The following HPSE2 variants were observed in gnomAD, a reference collection of about 807,000 sequenced individuals.
HPSE2 encodes the protein inactive heparanase-2.
HPSE2 carries 38 observed loss-of-function variants against 60.5 expected under a neutral mutation model. The ratio of observed to expected loss-of-function variants is 0.63; its 90% CI spans 0.48 to 0.82. The LOEUF is 0.82. Among genes scored for constraint, HPSE2 ranks in the 40% least tolerant of loss-of-function variants. The pLI, the probability that HPSE2 is intolerant of heterozygous loss-of-function variation, is 0.00. For synonymous variants in HPSE2, 295 were observed against 293.2 expected (o/e 1.01, Z -0.06); for missense variants, 713 against 740.4 (o/e 0.96, Z 0.43).
At chr10:98,938,490 T>C (rs1463343783) in intron 3 of HPSE2, among the ~76,000 whole-genome samples, 1 of 143,242 alleles carries the variant, frequency 7.0e-6, no homozygotes, top group Non-Finnish European at 1.5e-5. Context: ...AGGTTATCAG[T>C]GATGGAAGAT....
chr10:98,640,934 G>C (rs1331463814), intron 7 of HPSE2, among the ~76,000 whole-genome samples: 5 of 152,198 alleles, frequency 3.3e-5, no homozygotes, highest in African/African-American at 1.2e-4. Context: ...AACAACAGGA[G>C]TGAAATTAGA....
chr10:99,286,207 C>T, the HPSE2 span, among the ~76,000 whole-genome samples: 2 of 152,078 alleles, frequency 1.3e-5, no homozygotes, highest in Non-Finnish European at 2.9e-5. Flanking sequence ...CAATATGACC[C>T]AACAATTCCA....
intron 2 of HPSE2, among the ~76,000 whole-genome samples, chr10:99,217,196 A>G (rs536622039): frequency 6.7e-6 from 1 of 150,338 alleles, no homozygotes; most frequent in African/African-American, 2.4e-5. Flanking sequence ...TAACATTAGT[A>G]TCTAGTAGCA....
At chr10:99,115,802 C>A (rs1844665814) in intron 3 of HPSE2, among the ~76,000 whole-genome samples, 1 of 152,078 alleles carries the variant, frequency 6.6e-6, no homozygotes, top group Non-Finnish European at 1.5e-5. Context: ...GACTTCTAAG[C>A]AACAGAGAGC....
chr10:99,268,649 A>C, the HPSE2 span, among the ~76,000 whole-genome samples: 1 of 151,588 alleles, frequency 6.6e-6, no homozygotes, highest in African/African-American at 2.4e-5. Context: ...CTGTCTCAAA[A>C]AAAAAAAAAA....
chr10:98,814,054 C>G (rs1381516961), intron 3 of HPSE2, among the ~76,000 whole-genome samples: 1 of 152,078 alleles, frequency 6.6e-6, no homozygotes, highest in Non-Finnish European at 1.5e-5. Context: ...ATAGGTTACC[C>G]TGCAAGTAAG....
intron 3 of HPSE2, among the ~76,000 whole-genome samples, chr10:98,986,256 A>C (rs2135320017): frequency 6.6e-6 from 1 of 152,250 alleles, no homozygotes; most frequent in South Asian, 2.1e-4. Flanking sequence ...AGCACTCCTC[A>C]GCAAATGTAA....
the HPSE2 span, among the ~76,000 whole-genome samples, chr10:99,264,378 C>T: frequency 6.6e-6 from 1 of 152,174 alleles, no homozygotes; most frequent in South Asian, 2.1e-4. Context: ...TGAGGCACTG[C>T]ACCCAGCCTC....
chr10:99,132,171 A>G (rs1433440131), intron 3 of HPSE2, among the ~76,000 whole-genome samples: 1 of 62,956 alleles, frequency 1.6e-5, no homozygotes, highest in Non-Finnish European at 2.8e-5. Flanking sequence ...GAAAGAAAGA[A>G]AGAAAGAAAG....
At chr10:98,985,770 A>G (rs935104996) in intron 3 of HPSE2, among the ~76,000 whole-genome samples, 1 of 152,196 alleles carries the variant, frequency 6.6e-6, no homozygotes. Context: ...AGACACACAT[A>G]GGCACAAAAT....
intron 3 of HPSE2, among the ~76,000 whole-genome samples, chr10:98,819,666 G>A (rs1314326960): frequency 2.0e-5 from 3 of 152,088 alleles, no homozygotes; most frequent in Non-Finnish European, 4.4e-5. Flanking sequence ...AGAGCTTTTT[G>A]AGGAAGTTTT....
At chr10:98,566,199 C>T (rs1944339153) in intron 9 of HPSE2, among the ~76,000 whole-genome samples, 1 of 152,114 alleles carries the variant, frequency 6.6e-6, no homozygotes, top group African/African-American at 2.4e-5. Context: ...TTATTTAATA[C>T]ATAAAGAAAA....
At chr10:99,233,784 G>T (rs1202655548) in intron 1 of HPSE2, among the ~76,000 whole-genome samples, 1 of 152,152 alleles carries the variant, frequency 6.6e-6, no homozygotes, top group Non-Finnish European at 1.5e-5. Context: ...TCCAGGACAG[G>T]CACAGTCAGG....
chr10:98,949,310 A>C (rs1317173569), intron 3 of HPSE2, among the ~76,000 whole-genome samples: 1 of 151,996 alleles, frequency 6.6e-6, no homozygotes, highest in East Asian at 1.9e-4. Flanking sequence ...GAGGATTGTT[A>C]ATATAGACCC....
the HPSE2 span, among the ~76,000 whole-genome samples, chr10:99,295,094 T>C: frequency 6.6e-6 from 1 of 152,336 alleles, no homozygotes; most frequent in African/African-American, 2.4e-5. Flanking sequence ...GCTAAATACT[T>C]ATCAGTGGAA....
Position 99,020,536 on chromosome 10 carries a change from G to C in HPSE2, c.610+123702C>G, listed in dbSNP as rs1308281086. On this transcript the variant is annotated intron_variant, in intron 3 of 11. Transcript: ENST00000370552. ...CCCTTTCCAAGGCAGTCTCATAGCA[G>C]CTTCTCCAGAGCAGGACTTTCCAAG... 2.0e-5 allele frequency among the ~76,000 whole-genome samples: 3 copies of C among 152,296 alleles called. No individual in the cohort carries two copies. The South Asian group carries it at 6.2e-4, about 32-fold the overall frequency.
Position 99,094,515 on chromosome 10 carries a change from CATATATAT to C in HPSE2, c.610+49715_610+49722del, listed in dbSNP as rs1196185515. On this transcript the variant is annotated intron_variant, in intron 3 of 11. Transcript: ENST00000370552. ...CAGTTATTCTCTCTTTTTTATCATTCATATATATATATATATATATATATATTTTTTTT... is the reference window on the plus strand; with the variant it reads ...CAGTTATTCTCTCTTTTTTATCATTCATATATATATATATATATTTTTTTT... 1.4e-3 allele frequency among the ~76,000 whole-genome samples: 37 copies of C among 25,882 alleles called. 1 individual carries two copies. Among genetic ancestry groups the C allele is most frequent in the African/African-American group, 4.1e-3 (33 of 7,976 alleles). 17.0% of individuals were successfully genotyped at this position (25,882 alleles called of 152,430 possible). A position where few individuals can be genotyped will look rare whatever the true frequency, so the allele number is the denominator to read the frequency against.
intron 3 of HPSE2, among the ~76,000 whole-genome samples, chr10:99,102,334 T>G (rs183518579): frequency 0.018 from 2,785 of 152,116 alleles, 45 homozygotes; most frequent in Non-Finnish European, 0.025. Flanking sequence ...CAAACTACCA[T>G]CAGAGAATAC....
At chr10:98,798,767 A>G (rs772879427) in intron 3 of HPSE2, among the ~76,000 whole-genome samples, 3 of 152,208 alleles carry the variant, frequency 2.0e-5, no homozygotes, top group Non-Finnish European at 4.4e-5. Flanking sequence ...ATTAAATTGT[A>G]TCACCAGAGA....
Sources: gnomAD v4.1 joint callset for allele counts (sites outside exome capture counted in the v4.1 genomes callset) on GRCh38, gnomAD v4.1.1 for gene constraint, MANE v1.5 for transcripts, NCBI Gene and HGNC (gene_info 2026-07-23, HGNC 2026-07-21) for gene names.